TSEN15: variants seen among roughly 807,000 people sequenced by gnomAD.
TSEN15 encodes tRNA-splicing endonuclease subunit Sen15.
A neutral mutation model predicts 20.5 loss-of-function variants in TSEN15; 10 were observed. That is an observed-to-expected ratio of 0.49 (90% CI 0.30 to 0.83). The LOEUF is 0.83. Among genes scored for constraint, TSEN15 ranks in the 40% least tolerant of loss-of-function variants. The pLI is 0.06. For synonymous variants in TSEN15, 72 were observed against 80.1 expected, an observed-to-expected ratio of 0.90 and a Z score of 0.54; for missense variants, 180 against 218.6, an observed-to-expected ratio of 0.82 and a Z score of 1.11.
chr1:184,070,913 T>G (rs558097020), intron 3 of TSEN15: 1 of 190,646 alleles, frequency 5.2e-6, no homozygotes, highest in Non-Finnish European at 1.1e-5. Flanking sequence ...AAACATTTTC[T>G]GTATTTCCAC....
At chr1:184,059,806 A>G (rs1200650476) in intron 3 of TSEN15, among the ~76,000 whole-genome samples, 1 of 152,146 alleles carries the variant, frequency 6.6e-6, no homozygotes, top group Non-Finnish European at 1.5e-5. Flanking sequence ...CCTGACCTCA[A>G]GTTATCTGCC....
intron 3 of TSEN15, among the ~76,000 whole-genome samples, chr1:184,085,874 TTCTG>T (rs1359591065): frequency 1.3e-5 from 2 of 152,140 alleles, no homozygotes; most frequent in African/African-American, 2.4e-5. Flanking sequence ...AACTGAGTAG[TTCTG>T]TCTGAGAACT....
intron 3 of TSEN15, among the ~76,000 whole-genome samples, chr1:184,062,616 A>C (rs1428767446): frequency 6.6e-6 from 1 of 152,132 alleles, no homozygotes; most frequent in Admixed American, 6.6e-5. Flanking sequence ...ATAGTATTAC[A>C]ATTTTCTGTA....
At chr1:184,053,844 AC>A (rs1030210452) in intron 1 of TSEN15, among the ~76,000 whole-genome samples, 12 of 152,244 alleles carry the variant, frequency 7.9e-5, no homozygotes, top group Admixed American at 2.6e-4. Context: ...AGGGAAATAC[AC>A]AGTACCCACT....
intron 3 of TSEN15, chr1:184,070,814 T>C: frequency 2.3e-6 from 1 of 440,320 alleles, no homozygotes; most frequent in Non-Finnish European, 3.4e-6. Flanking sequence ...TGAATAAGAA[T>C]CTAGCTAGTT....
chr1:184,063,611 T>C (rs1650543110), intron 3 of TSEN15, among the ~76,000 whole-genome samples: 1 of 152,202 alleles, frequency 6.6e-6, no homozygotes, highest in Admixed American at 6.5e-5. Flanking sequence ...CGATGAATTT[T>C]AGTTATTTTT....
intron 3 of TSEN15, chr1:184,070,606 A>T: frequency 8.4e-7 from 1 of 1,187,140 alleles, no homozygotes; most frequent in Non-Finnish European, 1.1e-6. Context: ...TTCTATTATT[A>T]TTAATTTAGA....
chr1:184,090,326 G>A (rs1251686556), intron 3 of TSEN15, among the ~76,000 whole-genome samples: 1 of 152,146 alleles, frequency 6.6e-6, no homozygotes, highest in Non-Finnish European at 1.5e-5. Flanking sequence ...TGGAGGGTAT[G>A]TAACACAAAA....
At chr1:184,071,859 C>G (rs1354171854) in intron 3 of TSEN15, among the ~76,000 whole-genome samples, 1 of 152,036 alleles carries the variant, frequency 6.6e-6, no homozygotes, top group African/African-American at 2.4e-5. Context: ...CAAGATCCAA[C>G]TATATGCTAT....
chr1:184,072,369 T>G lies in TSEN15; in HGVS notation c.495+71T>G, dbSNP rs895490937. On this transcript the variant is annotated intron_variant, in intron 4 of 4. Transcript: ENST00000645668. ...ATTATGACGTGATTTTAAGTGTGAC[T>G]CAAGTCAGTCACAGAACTGCCACTT... 2.1e-6 allele frequency: 3 copies of G among 1,411,250 alleles called. No homozygotes were observed. The African/African-American group carries it at 4.4e-5, about 21-fold the overall frequency. The allele number at this position is 1,411,250 out of a possible 1,614,324, so 87.4% of individuals were successfully genotyped here. A position where few individuals can be genotyped will look rare whatever the true frequency, so the allele number is the denominator to read the frequency against.
intron 3 of TSEN15, among the ~76,000 whole-genome samples, chr1:184,084,871 T>A (rs79630716): frequency 0.026 from 3,960 of 152,100 alleles, 175 homozygotes; most frequent in African/African-American, 0.089. Flanking sequence ...GGGACAAACA[T>A]TCAAACCACG....
chr1:184,065,467 T>TA (rs1311302392), intron 3 of TSEN15, among the ~76,000 whole-genome samples: 2 of 152,212 alleles, frequency 1.3e-5, no homozygotes, highest in African/African-American at 4.8e-5. Flanking sequence ...CATCATCACA[T>TA]ACAGAATAGT....
At position 184,073,939 on chromosome 1, in the gene TSEN15, T is replaced by C. The variant is rs1477636154; in HGVS notation, c.*1092T>C. On this transcript the variant is annotated 3_prime_UTR_variant, in exon 5 of 5. Transcript: ENST00000645668. ...CTAGGAAATAGTCAATAAACAGATA[T>C]ATACAAATGATACATAATGTACTTA... 4 of 152,250 alleles carry C rather than the reference T, an allele frequency of 2.6e-5. No homozygotes were observed. The highest frequency in any genetic ancestry group is 3.4e-3 in the Middle Eastern group (1 of 294). The allele number at this position is 152,250 out of a possible 1,614,324, so 9.4% of individuals were successfully genotyped here.
At position 184,061,526 on chromosome 1, in the gene TSEN15, T is replaced by C. The variant is rs534208035; in HGVS notation, c.353+6663T>C. Among the ~76,000 whole-genome samples, 4 of 152,286 alleles carry C rather than the reference T, an allele frequency of 2.6e-5. No homozygotes were observed. The East Asian group carries it at 7.7e-4, about 29-fold the overall frequency. ...TTTTATAATCTGTTGTTTGTAAAACTGAACCAAACTCTGTCATTTACATAG... is the reference window on the plus strand; with the variant it reads ...TTTTATAATCTGTTGTTTGTAAAACCGAACCAAACTCTGTCATTTACATAG... On this transcript the variant is annotated intron_variant, in intron 3 of 4. Transcript: ENST00000645668.
At chr1:184,090,466 G>A (rs1034821679) in intron 3 of TSEN15, among the ~76,000 whole-genome samples, 2 of 152,140 alleles carry the variant, frequency 1.3e-5, no homozygotes, top group African/African-American at 4.8e-5. Context: ...ATTCTTTCAT[G>A]TAAATTATAC....
intron 3 of TSEN15, chr1:184,094,127 CTAT>C (rs1344341162): frequency 3.3e-5 from 5 of 152,228 alleles, no homozygotes; most frequent in African/African-American, 1.2e-4. Flanking sequence ...ATCTTATTAG[CTAT>C]TATTATCATC....
chr1:184,058,190 G>T, intron 3 of TSEN15: 1 of 432,502 alleles, frequency 2.3e-6, no homozygotes, highest in Non-Finnish European at 4.6e-6. Flanking sequence ...TAGCTTGAAT[G>T]GCTAAAGCTT....
chr1:184,075,100 G>C (rs1278879432), downstream of TSEN15, among the ~76,000 whole-genome samples: 1 of 152,064 alleles, frequency 6.6e-6, no homozygotes, highest in East Asian at 1.9e-4. Flanking sequence ...CGGATCTGTT[G>C]ACCAGTGGGC....
chr1:184,060,662 G>A (rs764147130), intron 3 of TSEN15, among the ~76,000 whole-genome samples: 1 of 152,238 alleles, frequency 6.6e-6, no homozygotes, highest in Non-Finnish European at 1.5e-5. Flanking sequence ...AGTGGTATAC[G>A]GGGTGTTTGT....
Sources: gnomAD v4.1 joint callset for allele counts (sites outside exome capture counted in the v4.1 genomes callset) on GRCh38, gnomAD v4.1.1 for gene constraint, MANE v1.5 for transcripts, NCBI Gene and HGNC (gene_info 2026-07-23, HGNC 2026-07-21) for gene names.